The following NCAM2 variants were observed in gnomAD, a reference collection of about 807,000 sequenced individuals.
The protein encoded by NCAM2 is neural cell adhesion molecule 2.
In NCAM2, 30 loss-of-function variants were observed where a neutral mutation model predicts 98.1. The observed-to-expected ratio is 0.31, with a 90% CI of 0.23 to 0.41. NCAM2 has a LOEUF of 0.41. Ranked by LOEUF, NCAM2 falls within the 10% of genes least tolerant of loss-of-function variation. NCAM2 has a pLI of 1.00. For missense variants in NCAM2, 867 were observed against 1,005.8 expected, an observed-to-expected ratio of 0.86 and a Z score of 1.87; for synonymous variants, 368 against 342.4, an observed-to-expected ratio of 1.07 and a Z score of -0.83.
chr21:21,449,244 A>C (rs998191609), intron 12 of NCAM2, among the ~76,000 whole-genome samples: 5 of 151,996 alleles, frequency 3.3e-5, no homozygotes, highest in Admixed American at 6.6e-5. Flanking sequence ...GTACAAATAA[A>C]TGATATTAAT....
At chr21:21,331,578 TAGAG>T (rs1168700185) in intron 6 of NCAM2, among the ~76,000 whole-genome samples, 4 of 2,150 alleles carry the variant, frequency 1.9e-3, no homozygotes, top group Non-Finnish European at 0.014. Flanking sequence ...CATATATATA[TAGAG>T]AGAGAGAGAG....
chr21:21,240,701 C>T (rs192490114), intron 1 of NCAM2, among the ~76,000 whole-genome samples: 223 of 152,074 alleles, frequency 1.5e-3, no homozygotes, highest in Non-Finnish European at 2.6e-3. Context: ...TCACATCAAC[C>T]CCAGTGAGGG....
chr21:21,023,930 CT>C (rs1568937678), intron 1 of NCAM2, among the ~76,000 whole-genome samples: 1 of 152,078 alleles, frequency 6.6e-6, no homozygotes, highest in East Asian at 1.9e-4. Context: ...AGGATTTTGG[CT>C]TTAATGTCGT....
At chr21:21,458,849 G>A (rs1314305586) in intron 12 of NCAM2, among the ~76,000 whole-genome samples, 3 of 152,062 alleles carry the variant, frequency 2.0e-5, no homozygotes, top group African/African-American at 7.2e-5. Flanking sequence ...AAACAAGTGG[G>A]ATTGCATCAA....
At chr21:21,385,893 A>C (rs1202245353) in intron 9 of NCAM2, among the ~76,000 whole-genome samples, 1 of 152,188 alleles carries the variant, frequency 6.6e-6, no homozygotes, top group Non-Finnish European at 1.5e-5. Context: ...ATGCATGCTA[A>C]GAAATATTAG....
At chr21:21,276,732 A>G (rs187961757) in intron 1 of NCAM2, among the ~76,000 whole-genome samples, 71 of 152,162 alleles carry the variant, frequency 4.7e-4, no homozygotes, top group African/African-American at 1.6e-3. Flanking sequence ...GTATAGTTCA[A>G]TTAGAGCAAA....
rs562268290 is a variant in NCAM2, at chr21:21,394,637, C to T, written c.1196-15637C>T. Among the ~76,000 whole-genome samples the T allele has an allele frequency of 2.6e-5, 4 of 151,456 alleles. No individual in the cohort carries two copies. In the South Asian group the frequency reaches 6.2e-4, roughly 24 times the overall value. ...CAGAGTAGCTGGGACTACAGGTGCC[C>T]GCCACCACACCCGCTAATTTTTTGT... On this transcript the variant is annotated intron_variant, in intron 9 of 17. Coordinates refer to ENST00000400546, the MANE Select transcript of NCAM2 (RefSeq NM_004540.5).
intron 12 of NCAM2, among the ~76,000 whole-genome samples, chr21:21,457,150 G>T (rs146934074): frequency 6.6e-6 from 1 of 151,920 alleles, no homozygotes; most frequent in Admixed American, 6.6e-5. Context: ...GCCTCAAATA[G>T]ACTATTAAGG....
chr21:21,156,179 T>C (rs1306862074), intron 1 of NCAM2, among the ~76,000 whole-genome samples: 2 of 152,060 alleles, frequency 1.3e-5, no homozygotes, highest in African/African-American at 4.8e-5. Context: ...TACTGTAGCA[T>C]GCTTGTTCTG....
chr21:21,005,010 G>A (rs1041770911), intron 1 of NCAM2, among the ~76,000 whole-genome samples: 2 of 152,146 alleles, frequency 1.3e-5, no homozygotes, highest in African/African-American at 4.8e-5. Flanking sequence ...AGGGAGGGGC[G>A]CGTTGAGAGA....
chr21:21,218,389 G>A (rs185907192), intron 1 of NCAM2, among the ~76,000 whole-genome samples: 1 of 152,268 alleles, frequency 6.6e-6, no homozygotes, highest in African/African-American at 2.4e-5. Context: ...CCACAAACTA[G>A]ATAGTGAATG....
intron 1 of NCAM2, among the ~76,000 whole-genome samples, chr21:21,040,035 C>T (rs532790177): frequency 5.3e-5 from 8 of 152,138 alleles, no homozygotes; most frequent in Non-Finnish European, 8.8e-5. Flanking sequence ...GGGCAACCTT[C>T]GCTAGCACAT....
intron 1 of NCAM2, among the ~76,000 whole-genome samples, chr21:21,150,241 T>C (rs1291187750): frequency 6.6e-6 from 1 of 152,192 alleles, no homozygotes; most frequent in Non-Finnish European, 1.5e-5. Context: ...TATTTACTTA[T>C]TCTTATAGTT....
rs1451936386 is a variant in NCAM2 at position 21,121,221 on chromosome 21, GCTT to G, written c.55+122607_55+122609del. On this transcript the variant is annotated intron_variant, in intron 1 of 17. Transcript: ENST00000400546. ...GCATTCTGACATGTTAATTTCAATA[GCTT>G]CTTATTAGTATAGTGAATAACACAG... 4.6e-5 allele frequency among the ~76,000 whole-genome samples: 7 copies of G among 152,164 alleles called. No individual in the cohort carries two copies. The South Asian group carries it at 1.2e-3, about 27-fold the overall frequency.
intron 1 of NCAM2, among the ~76,000 whole-genome samples, chr21:21,039,047 A>G (rs1229801368): frequency 6.6e-6 from 1 of 152,184 alleles, no homozygotes; most frequent in Non-Finnish European, 1.5e-5. Flanking sequence ...TAATCCCCAT[A>G]AAGAAATATA....
intron 1 of NCAM2, among the ~76,000 whole-genome samples, chr21:21,016,097 A>G (rs1001242859): frequency 1.3e-5 from 2 of 152,158 alleles, no homozygotes; most frequent in Non-Finnish European, 2.9e-5. Context: ...CATTGGCTAT[A>G]ATCATTTCAT....
intron 15 of NCAM2, among the ~76,000 whole-genome samples, chr21:21,503,580 A>G (rs233776): frequency 0.42 from 63,142 of 151,710 alleles, 13,953 homozygotes; most frequent in East Asian, 0.59. Context: ...TTTGGACCAC[A>G]GTTGACTATA....
At chr21:21,365,459 A>G (rs1310802267) in intron 8 of NCAM2, among the ~76,000 whole-genome samples, 3 of 152,064 alleles carry the variant, frequency 2.0e-5, no homozygotes, top group Non-Finnish European at 2.9e-5. Flanking sequence ...GGACATACAT[A>G]AAGGAATACA....
At chr21:21,511,846 T>C (rs1988403583) in intron 16 of NCAM2, among the ~76,000 whole-genome samples, 1 of 152,042 alleles carries the variant, frequency 6.6e-6, no homozygotes, top group Non-Finnish European at 1.5e-5. Flanking sequence ...TCTCTGATGA[T>C]GATGCTGAGC....
Sources: allele counts gnomAD v4.1 joint callset (sites outside exome capture counted in the v4.1 genomes callset), GRCh38; gene constraint gnomAD v4.1.1; transcripts MANE v1.5; gene names NCBI Gene and HGNC (gene_info 2026-07-23, HGNC 2026-07-21).